The following TNFAIP8 variants were observed in gnomAD, a reference collection of about 807,000 sequenced individuals.
The protein encoded by TNFAIP8 is tumor necrosis factor alpha-induced protein 8.
A neutral mutation model predicts 13.3 loss-of-function variants in TNFAIP8; 7 were observed. That is an observed-to-expected ratio of 0.52 (90% CI 0.30 to 0.99). The LOEUF (loss-of-function observed/expected upper bound fraction) is 0.99. Among genes scored for constraint, TNFAIP8 ranks in the 50% least tolerant of loss-of-function variants. The probability of loss-of-function intolerance (pLI) is 0.07; values close to 1 mark genes in which losing one functional copy is unlikely to be tolerated. For missense variants in TNFAIP8, 258 were observed against 236.9 expected (o/e 1.09, Z -0.58); for synonymous variants, 94 against 87.6 (o/e 1.07, Z -0.41).
chr5:119,354,989 T>C (rs1751326688), upstream of TNFAIP8: 1 of 217,190 alleles, frequency 4.6e-6, no homozygotes, highest in South Asian at 1.1e-4. Context: ...ATAAAACAAG[T>C]GTTCTACAAA....
rs557108187 is a variant in TNFAIP8 at position 119,308,402 on chromosome 5, T to C, written c.1+39495T>C. 2.6e-5 allele frequency among the ~76,000 whole-genome samples: 4 copies of C among 151,828 alleles called. No individual in the cohort carries two copies. In the East Asian group the frequency reaches 7.7e-4, roughly 29 times the overall value. On this transcript the variant is annotated intron_variant, in intron 1 of 1. Transcript: ENST00000274456. Reference sequence around the variant, plus strand: ...TTCTACGTTTCCCACCTTTTTTTTTTTTTTTTTTTGGTTTCCCAGCTGTGT... The same window carrying C: ...TTCTACGTTTCCCACCTTTTTTTTTCTTTTTTTTTGGTTTCCCAGCTGTGT...
intron 1 of TNFAIP8, among the ~76,000 whole-genome samples, chr5:119,376,357 G>GTGAT (rs1752282275): frequency 6.8e-6 from 1 of 146,926 alleles, no homozygotes; most frequent in African/African-American, 2.6e-5. Flanking sequence ...GTCACCTCAG[G>GTGAT]TGATCCGCCC....
At chr5:119,349,539 G>A (rs2112751401) in intron 1 of TNFAIP8, among the ~76,000 whole-genome samples, 1 of 152,360 alleles carries the variant, frequency 6.6e-6, no homozygotes, top group South Asian at 2.1e-4. Flanking sequence ...TGATGCGGGT[G>A]TCAGTAATCA....
intron 1 of TNFAIP8, among the ~76,000 whole-genome samples, chr5:119,311,985 G>A (rs531397117): frequency 2.6e-5 from 4 of 152,072 alleles, no homozygotes; most frequent in Non-Finnish European, 4.4e-5. Flanking sequence ...GACTAGTGTG[G>A]AACCATGACA....
chr5:119,320,309 A>G (rs912495899), intron 1 of TNFAIP8, among the ~76,000 whole-genome samples: 2 of 152,186 alleles, frequency 1.3e-5, no homozygotes, highest in Non-Finnish European at 2.9e-5. Flanking sequence ...TCCTGCAATT[A>G]TATTCTTTCT....
chr5:119,348,880 CAAAAAAAAAAAAAAA>C (rs60633145), intron 1 of TNFAIP8, among the ~76,000 whole-genome samples: 3 of 90,948 alleles, frequency 3.3e-5, no homozygotes, highest in Admixed American at 1.2e-4. Flanking sequence ...AACTCCATCT[CAAAAAAAAAAAAAAA>C]AAAAAAAAAA....
At chr5:119,290,756 G>T (rs988467855) in intron 1 of TNFAIP8, among the ~76,000 whole-genome samples, 1 of 152,200 alleles carries the variant, frequency 6.6e-6, no homozygotes, top group African/African-American at 2.4e-5. Context: ...GAGGCAGAAT[G>T]TAAAATTGAT....
intron 1 of TNFAIP8, among the ~76,000 whole-genome samples, chr5:119,361,728 G>A (rs1299251439): frequency 6.6e-6 from 1 of 152,140 alleles, no homozygotes; most frequent in African/African-American, 2.4e-5. Flanking sequence ...TATGCTTGGT[G>A]CCAGCTCACC....
chr5:119,319,716 A>G (rs748754544), intron 1 of TNFAIP8, among the ~76,000 whole-genome samples: 5 of 152,180 alleles, frequency 3.3e-5, no homozygotes, highest in Non-Finnish European at 7.4e-5. Flanking sequence ...CTTTTATTCT[A>G]TTATGCTTGA....
At position 119,399,140 on chromosome 5, in the gene TNFAIP8, G is replaced by A. The variant is rs897980778; in HGVS notation, c.*5759G>A. On this transcript the variant is annotated 3_prime_UTR_variant, in exon 2 of 2. Coordinates refer to ENST00000504771, the MANE Select transcript of TNFAIP8 (RefSeq NM_014350.4). Reference sequence around the variant, plus strand: ...TGCTAAAATATTCACTGGAGAACATGGTGAAATCCACGAGTGGAAACGTTC... The same window carrying A: ...TGCTAAAATATTCACTGGAGAACATAGTGAAATCCACGAGTGGAAACGTTC... The A allele has an allele frequency of 3.9e-5, 6 of 152,190 alleles. No homozygotes were observed. Among genetic ancestry groups the A allele is most frequent in the African/African-American group, 1.4e-4 (6 of 41,456 alleles). 9.4% of individuals were successfully genotyped at this position (152,190 alleles called of 1,614,324 possible). A position where few individuals can be genotyped will look rare whatever the true frequency, so the allele number is the denominator to read the frequency against.
chr5:119,295,714 C>A (rs1213628340), intron 1 of TNFAIP8, among the ~76,000 whole-genome samples: 2 of 152,128 alleles, frequency 1.3e-5, no homozygotes, highest in East Asian at 1.9e-4. Flanking sequence ...TATAAATTAC[C>A]TTGGGCAGTA....
At chr5:119,369,589 A>G (rs1378234141) in intron 1 of TNFAIP8, among the ~76,000 whole-genome samples, 2 of 152,208 alleles carry the variant, frequency 1.3e-5, no homozygotes, top group African/African-American at 4.8e-5. Context: ...TTTTCATGAG[A>G]TTCATAAATC....
intron 1 of TNFAIP8, among the ~76,000 whole-genome samples, chr5:119,341,147 G>A (rs893881979): frequency 6.9e-6 from 1 of 145,142 alleles, no homozygotes; most frequent in African/African-American, 2.6e-5. Context: ...GTGGTTTATC[G>A]TTTTTTAGTG....
chr5:119,318,571 C>T (rs946896140), intron 1 of TNFAIP8, among the ~76,000 whole-genome samples: 9 of 152,114 alleles, frequency 5.9e-5, no homozygotes, highest in African/African-American at 1.7e-4. Flanking sequence ...GCTGAGATTA[C>T]AGACATGAGC....
chr5:119,294,375 CTCA>C (rs2112636534), intron 1 of TNFAIP8, among the ~76,000 whole-genome samples: 1 of 152,268 alleles, frequency 6.6e-6, no homozygotes, highest in Admixed American at 6.5e-5. Flanking sequence ...AGAACATGAA[CTCA>C]TCATTTTTTA....
rs181683492 is a variant in TNFAIP8 at position 119,291,894 on chromosome 5, T to G, written c.1+22987T>G. Among the ~76,000 whole-genome samples the G allele has an allele frequency of 4.4e-4, 67 of 152,342 alleles. 1 individual carries two copies. Among genetic ancestry groups the G allele is most frequent in the Admixed American group, 4.4e-3 (67 of 15,302 alleles). ...AAGAATGAAAATCAGGAATGCAGAC[T>G]GTATCCTTATAAACCTTGGAGACAT... On this transcript the variant is annotated intron_variant, in intron 1 of 1. Coordinates refer to the TNFAIP8 transcript ENST00000274456.
At chr5:119,318,665 TC>T (rs1315266446) in intron 1 of TNFAIP8, among the ~76,000 whole-genome samples, 5 of 136,656 alleles carry the variant, frequency 3.7e-5, no homozygotes, top group African/African-American at 1.3e-4. Context: ...TTTTTCTTCC[TC>T]CCCCCGCATC....
In TNFAIP8 at chr5:119,358,030, C is replaced by T. The variant is rs570485140; in HGVS notation, c.31+1909C>T. Among the ~76,000 whole-genome samples, 96 of 151,806 alleles carry T rather than the reference C, an allele frequency of 6.3e-4. 2 individuals are homozygous for T. The highest frequency in any genetic ancestry group is 1.1e-3 in the Non-Finnish European group (76 of 67,984). ...TACCACCACTCAGATGTCGATGAAG[C>T]GAGCTATGTTGTGTAAATAACTCAG... On this transcript the variant is annotated intron_variant, in intron 1 of 1. Coordinates refer to ENST00000504771, the MANE Select transcript of TNFAIP8 (RefSeq NM_014350.4).
At chr5:119,328,743 A>G (rs1750293938) in intron 1 of TNFAIP8, among the ~76,000 whole-genome samples, 1 of 152,242 alleles carries the variant, frequency 6.6e-6, no homozygotes, top group African/African-American at 2.4e-5. Flanking sequence ...GAATTTCTAG[A>G]AATTTACAGA....
Sources: gnomAD v4.1 joint callset for allele counts (sites outside exome capture counted in the v4.1 genomes callset) on GRCh38, gnomAD v4.1.1 for gene constraint, MANE v1.5 for transcripts, NCBI Gene and HGNC (gene_info 2026-07-23, HGNC 2026-07-21) for gene names.